Variants in DNAH17 observed in about 807,000 individuals in gnomAD.
DNAH17 encodes the protein dynein axonemal heavy chain 17.
A neutral mutation model predicts 485.6 loss-of-function variants in DNAH17; 376 were observed. The observed-to-expected ratio is 0.77, with a 90% CI of 0.71 to 0.84. The LOEUF (loss-of-function observed/expected upper bound fraction) is 0.84, where lower values mean the gene tolerates loss of function less well. Among genes scored for constraint, DNAH17 ranks in the 40% least tolerant of loss-of-function variants. The pLI is 0.00. For synonymous variants in DNAH17, 3,031 were observed against 2,405.9 expected (o/e 1.26, Z -7.60); for missense variants, 6,370 against 5,839.3 (o/e 1.09, Z -2.96).
Position 78,459,047 on chromosome 17 carries a change from A to T in DNAH17, c.9815T>A (p.Leu3272Gln), listed in dbSNP as rs375928228. 1.5e-5 allele frequency: 24 copies of T among 1,613,922 alleles called. No individual in the cohort carries two copies. The highest frequency in any genetic ancestry group is 1.9e-5 in the Non-Finnish European group (22 of 1,179,912). Residue 3272 changes from leucine (L) to glutamine (Q), a missense_variant, in exon 61 of 81, where the codon CTG (leucine) becomes CAG (glutamine). By Grantham distance (113) the Leu-to-Gln change is moderately radical (BLOSUM62 -2). Coordinates refer to ENST00000389840, the MANE Select transcript of DNAH17 (RefSeq NM_173628.4). Reference protein sequence around the residue: ...RQALEEANAELAEAQEKLSRI... With the variant: ...RQALEEANAEQAEAQEKLSRI... ...GGACAGCTTCTCTTGTGCCTCTGCC[A>T]GCTCTGCATTAGCCTCCTCCAGTGC... is the stretch of plus-strand genomic sequence containing the variant.
At chr17:78,508,742 G>A (rs12603114) in intron 27 of DNAH17, among the ~76,000 whole-genome samples, 47,753 of 151,798 alleles carry the variant, frequency 0.31, 7,917 homozygotes, top group African/African-American at 0.4. Flanking sequence ...AAGGATATGG[G>A]TTTCTTTTTG....
rs1358768274 is a variant in DNAH17, at chr17:78,427,033, CTGCCTT to C, written c.12658_12663del (p.Lys4220_Ala4221del). Reference sequence around the variant, plus strand: ...ACTACCACGTAGGGGGTCTTTTCCGCTGCCTTTGCCATGATCTCAGCCATGTTGAAA... The same window carrying C: ...ACTACCACGTAGGGGGTCTTTTCCGCTGCCATGATCTCAGCCATGTTGAAA... On this transcript the variant is annotated inframe_deletion, in exon 78 of 81. Transcript: ENST00000389840. 2 of 1,605,292 alleles carry C rather than the reference CTGCCTT, an allele frequency of 1.2e-6. No homozygotes were observed. Among genetic ancestry groups the C allele is most frequent in the Admixed American group, 3.4e-5 (2 of 58,672 alleles).
At chr17:78,500,127 G>A in intron 36 of DNAH17, 178 bp downstream of exon 36, 1 of 670,960 alleles carries the variant, frequency 1.5e-6, no homozygotes, top group Non-Finnish European at 2.4e-6. Context: ...AGTCTTTCCA[G>A]AGGGACCACC....
chr17:78,429,068 G>T, intron 76 of DNAH17, 53 bp downstream of exon 76: 1 of 1,568,294 alleles, frequency 6.4e-7, no homozygotes, highest in Non-Finnish European at 8.7e-7. Flanking sequence ...GGCTCTCACC[G>T]GGAGGCACGA....
chr17:78,550,274 C>G (rs750005425), intron 16 of DNAH17, among the ~76,000 whole-genome samples: 17 of 152,260 alleles, frequency 1.1e-4, no homozygotes, highest in African/African-American at 3.1e-4. Flanking sequence ...CTAAAGATAA[C>G]GAAGAACTCT....
rs147583918 is a variant in DNAH17 at position 78,460,361 on chromosome 17, TGCAC to T, written c.9340-108_9340-105del. On this transcript the variant is annotated intron_variant, in intron 58 of 80. Coordinates refer to ENST00000389840, the MANE Select transcript of DNAH17 (RefSeq NM_173628.4). ...ATGTGTGTGCATGTGTGTGCATGTA[TGCAC>T]GTGCATGAGTGTATGTGTGCATATA... 9.6e-3 allele frequency: 9,389 copies of T among 981,990 alleles called. 1 individual carries two copies. The highest frequency in any genetic ancestry group is 0.012 in the Non-Finnish European group (8,068 of 660,412). The allele number at this position is 981,990 out of a possible 1,614,324, so 60.8% of individuals were successfully genotyped here.
chr17:78,465,369 G>A (rs2088373297), intron 56 of DNAH17, among the ~76,000 whole-genome samples: 1 of 151,466 alleles, frequency 6.6e-6, no homozygotes. Context: ...GGGAAGTGAG[G>A]AGCGTCTCTG....
At position 78,459,900 on chromosome 17, in the gene DNAH17, G is replaced by A. The variant is rs769723954; in HGVS notation, c.9537C>T (p.Pro3179=). The A allele has an allele frequency of 6.2e-7, 1 of 1,614,008 alleles. No individual in the cohort carries two copies. Among genetic ancestry groups the A allele is most frequent in the South Asian group, 1.1e-5 (1 of 91,090 alleles). Residue 3179 remains proline (P), a synonymous_variant, in exon 60 of 81, where the codon CCC becomes CCT. Transcript: ENST00000389840. The stretch of plus-strand genomic sequence containing the variant: ...TGGCCGCCTTCCAGCTCTTGTCCTT[G>A]GGGATCTTGCCCCCAGGTGCGGTCA... ...MILTAPGGKI[P]KDKSWKAAKI...
At position 78,459,843 on chromosome 17, in the gene DNAH17, T is replaced by C. The variant is rs764418679; in HGVS notation, c.9594A>G (p.Leu3198=). The C allele has an allele frequency of 2.5e-6, 4 of 1,614,012 alleles. No homozygotes were observed. In the East Asian group the frequency reaches 8.9e-5, roughly 36 times the overall value. Residue 3198 remains leucine, a synonymous_variant, in exon 60 of 81, where the codon CTA becomes CTG. Transcript: ENST00000389840. ...CCTTGTCGAACTTCTTCAGGGAGTC[T>C]AGGAAGGTGTCCACCTTGCCCATCA... The part of the protein sequence containing the change: ...KIMMGKVDTF[L]DSLKKFDKEH...
rs972826057 is a variant in DNAH17 at position 78,426,555 on chromosome 17, G to A, written c.12817C>T (p.Leu4273Phe). 2.5e-6 allele frequency: 4 copies of A among 1,613,670 alleles called. No homozygotes were observed. Among genetic ancestry groups the A allele is most frequent in the Non-Finnish European group, 3.4e-6 (4 of 1,179,714 alleles). ...TTDVEDLSTA[L>F]FYDTVPDTWV... ...GTATCAGGCACGGTGTCATAGAAGA[G>A]AGCCGTGGACAGATCTTCCACGTCG... is the stretch of plus-strand genomic sequence containing the variant. The change falls in exon 79 of 81, where the codon CTC becomes TTC. Residue 4273 changes from leucine (L) to phenylalanine (F), a missense_variant. Coordinates refer to ENST00000389840, the MANE Select transcript of DNAH17 (RefSeq NM_173628.4).
At chr17:78,425,694 G>A in intron 79 of DNAH17, 123 bp from the exon 80 acceptor site, 2 of 841,046 alleles carry the variant, frequency 2.4e-6, no homozygotes, top group Non-Finnish European at 3.6e-6. Flanking sequence ...CGAGCTAGAA[G>A]TGCTGGACAG....
In DNAH17 at chr17:78,532,473, T is replaced by C; in HGVS notation, c.3114+9A>G. The C allele has an allele frequency of 6.2e-7, 1 of 1,605,314 alleles. No homozygotes were observed. The highest frequency in any genetic ancestry group is 8.5e-7 in the Non-Finnish European group (1 of 1,176,058). On this transcript the variant is annotated intron_variant, in intron 20 of 80. Coordinates refer to ENST00000389840, the MANE Select transcript of DNAH17 (RefSeq NM_173628.4). The stretch of plus-strand genomic sequence containing the variant: ...GACAAGGAGGCTGGTGGGTGAGGTC[T>C]GCACGCACCTGCTCCTGGAACTGAG...
chr17:78,573,722 G>A (rs187389189), intron 2 of DNAH17, among the ~76,000 whole-genome samples: 191 of 152,196 alleles, frequency 1.3e-3, no homozygotes, highest in African/African-American at 4.5e-3. Flanking sequence ...GAGGACCCAG[G>A]GAGAAGATGT....
intron 42 of DNAH17, 36 bp downstream of exon 42, chr17:78,492,597 T>C (rs1245751209): frequency 1.2e-6 from 2 of 1,609,452 alleles, no homozygotes; most frequent in Non-Finnish European, 1.7e-6. Context: ...GGACCAGGAG[T>C]GCCCCTGCAG....
At chr17:78,446,970 G>C (rs1262401480) in intron 69 of DNAH17, among the ~76,000 whole-genome samples, 1 of 151,926 alleles carries the variant, frequency 6.6e-6, no homozygotes, top group Non-Finnish European at 1.5e-5. Context: ...ACAGGGTGTT[G>C]CTCTGTTGCC....
intron 3 of DNAH17, among the ~76,000 whole-genome samples, chr17:78,572,300 T>C (rs2092370387): frequency 6.6e-6 from 1 of 152,100 alleles, no homozygotes; most frequent in African/African-American, 2.4e-5. Flanking sequence ...CAGACTTGCA[T>C]GTACCTGCTG....
chr17:78,497,637 C>T (rs1362020904), intron 37 of DNAH17, among the ~76,000 whole-genome samples: 1 of 152,200 alleles, frequency 6.6e-6, no homozygotes, highest in South Asian at 2.1e-4. Context: ...GGTTTGGGGT[C>T]CCCATTCTCT....
intron 37 of DNAH17, 94 bp downstream of exon 37, chr17:78,498,914 A>G: frequency 2.1e-6 from 2 of 941,906 alleles, no homozygotes; most frequent in South Asian, 1.9e-5. Context: ...CGTTGCAGAG[A>G]GGCAAGGAGG....
intron 52 of DNAH17, 38 bp from the exon 53 acceptor site, chr17:78,475,871 T>C (rs749817383): frequency 6.2e-7 from 1 of 1,603,046 alleles, no homozygotes; most frequent in South Asian, 1.1e-5. Flanking sequence ...TTCCGGTTTT[T>C]GCCACCATGA....
Sources: allele counts gnomAD v4.1 joint callset (sites outside exome capture counted in the v4.1 genomes callset), GRCh38; gene constraint gnomAD v4.1.1; transcripts MANE v1.5; gene names NCBI Gene and HGNC (gene_info 2026-07-23, HGNC 2026-07-21).